The following PHOX2B variants were observed in gnomAD, a reference collection of about 807,000 sequenced individuals.
PHOX2B encodes the protein paired mesoderm homeobox protein 2B.
Under a neutral mutation model 15.5 loss-of-function variants are expected in PHOX2B, and 1 was observed. That is an observed-to-expected ratio of 0.06 (90% CI 0.02 to 0.31). PHOX2B has a LOEUF of 0.31. Among genes scored for constraint, PHOX2B ranks in the 10% least tolerant of loss-of-function variants. PHOX2B has a pLI of 1.00. For missense variants in PHOX2B, 314 were observed against 436.4 expected (o/e 0.72, Z 2.50); for synonymous variants, 206 against 190.5 (o/e 1.08, Z -0.67).
chr4:41,746,394 T>G, intron 2 of PHOX2B, 72 bp from the exon 3 acceptor site: 305 of 1,415,456 alleles, frequency 2.2e-4, no homozygotes, highest in Middle Eastern at 4.0e-4. Flanking sequence ...AAGCACCGGT[T>G]AGGGTGGCCC....
Position 41,744,697 on chromosome 4 carries a change from CGTGT to C in PHOX2B, c.*1106_*1109del, listed in dbSNP as rs1044678870. On this transcript the variant is annotated 3_prime_UTR_variant, in exon 3 of 3. Transcript: ENST00000226382. The stretch of plus-strand genomic sequence containing the variant: ...ATGCAAACCGAGACACCCCTGCAAA[CGTGT>C]GTGTGTGCCTTTTCCTTGCTCGGTA... 29 of 233,258 alleles carry C rather than the reference CGTGT, an allele frequency of 1.2e-4. No homozygotes were observed. In the Admixed American group the frequency reaches 1.4e-3, roughly 11 times the overall value. 14.4% of individuals were successfully genotyped at this position (233,258 alleles called of 1,614,324 possible).
At position 41,746,011 on chromosome 4, in the gene PHOX2B, GGCC is replaced by G; in HGVS notation, c.738_740del (p.Ala260del). 8.9e-7 allele frequency: 1 copy of G among 1,119,710 alleles called. No individual in the cohort carries two copies. The highest frequency in any genetic ancestry group is 1.1e-6 in the Non-Finnish European group (1 of 916,540). 69.4% of individuals were successfully genotyped at this position (1,119,710 alleles called of 1,614,324 possible). On this transcript the variant is annotated inframe_deletion, in exon 3 of 3. Coordinates refer to ENST00000226382, the MANE Select transcript of PHOX2B (RefSeq NM_003924.4). ...CCGCTGCCGCCGCCGCCGCTGCCGC[GGCC>G]GCCGCCGCTGCTGCTGCGCCGCCCT...
Position 41,746,102 on chromosome 4 carries a change from C to T in PHOX2B, c.650G>A (p.Gly217Glu). The T allele has an allele frequency of 6.5e-7, 1 of 1,539,434 alleles. No individual in the cohort carries two copies. Among genetic ancestry groups the T allele is most frequent in the East Asian group, 2.5e-5 (1 of 40,674 alleles). ...SCGANGGGGG[G>E]PSPAGAPGAA... ...CCCCGGAGCTCCAGCCGGGCTGGGC[C>T]CGCCGCCGCCGCCTCCATTCGCCCC... Residue 217 changes from glycine (G) to glutamate (E), a missense_variant, in exon 3 of 3, where the codon GGG (glycine) becomes GAG (glutamate). By Grantham distance (98) the Gly-to-Glu change is moderately conservative (BLOSUM62 -2). Around this residue, in one of 7 missense-constraint regions of PHOX2B, gnomAD observed 157 missense variants for 169.0 expected, o/e 0.93. Transcript: ENST00000226382.
At chr4:41,746,461 GC>G in intron 2 of PHOX2B, 139 bp from the exon 3 acceptor site, 1 of 800,302 alleles carries the variant, frequency 1.2e-6, no homozygotes, top group South Asian at 1.6e-5. Flanking sequence ...GATCACCCCC[GC>G]GCGCACATCC....
chr4:41,748,366 T>C lies in PHOX2B; in HGVS notation c.241+4A>G. On this transcript the variant is annotated splice_donor_region_variant and intron_variant, in intron 1 of 2. Transcript: ENST00000226382. ...CCTCCGCTGAGAAAGCTGAAGGTCC[T>C]TACCTGCGGCGTACGGACTGCTCTG... 1 of 1,614,064 alleles carries C rather than the reference T, an allele frequency of 6.2e-7. No individual in the cohort carries two copies.
chr4:41,745,654 C>G lies in PHOX2B; in HGVS notation c.*153G>C. On this transcript the variant is annotated 3_prime_UTR_variant, in exon 3 of 3. Coordinates refer to ENST00000226382, the MANE Select transcript of PHOX2B (RefSeq NM_003924.4). This position sits in a 1 kb window ranked among gnomAD's most constrained non-coding sequence, Gnocchi z 4.0. ...TGAAATGAGGGCGACGCCGTTTTCCCTTTATTCTTAGCGCGATTACTTTAG... is the reference window on the plus strand; with the variant it reads ...TGAAATGAGGGCGACGCCGTTTTCCGTTTATTCTTAGCGCGATTACTTTAG... The G allele has an allele frequency of 1.0e-6, 1 of 956,208 alleles. No individual in the cohort carries two copies. The allele number at this position is 956,208 out of a possible 1,614,324, so 59.2% of individuals were successfully genotyped here. A position where few individuals can be genotyped will look rare whatever the true frequency, so the allele number is the denominator to read the frequency against.
Position 41,745,588 on chromosome 4 carries a change from T to G in PHOX2B, c.*219A>C. On this transcript the variant is annotated 3_prime_UTR_variant, in exon 3 of 3. Coordinates refer to ENST00000226382, the MANE Select transcript of PHOX2B (RefSeq NM_003924.4). This position sits in a 1 kb window ranked among gnomAD's most constrained non-coding sequence, Gnocchi z 4.0. ...CAGGTGCGAAGCCAGGGAAGTTTGT[T>G]TGTTTTGTTTGGGGGTTGAGGAAGG... 9 of 515,912 alleles carry G rather than the reference T, an allele frequency of 1.7e-5. No individual in the cohort carries two copies. Among genetic ancestry groups the G allele is most frequent in the Non-Finnish European group, 3.0e-5 (9 of 302,882 alleles). 32.0% of individuals were successfully genotyped at this position (515,912 alleles called of 1,614,324 possible).
intron 1 of PHOX2B, 87 bp from the exon 2 acceptor site, chr4:41,747,623 A>G: frequency 1.8e-6 from 2 of 1,108,720 alleles, no homozygotes; most frequent in Admixed American, 1.7e-5. Flanking sequence ...CTCCAAGGTC[A>G]GGTCATACGG....
Position 41,745,902 on chromosome 4 carries a change from G to C in PHOX2B, c.850C>G (p.Pro284Ala), listed in dbSNP as rs2153112743. Reference protein sequence around the residue: ...APGPGPITSIPDSLGGPFASV... With the variant: ...APGPGPITSIADSLGGPFASV... ...GCGAAGGGACCCCCAAGCGAATCCG[G>C]GATGGAGGTGATGGGGCCGGGGCCG... The change falls in exon 3 of 3, where the codon CCG (proline) becomes GCG (alanine). Residue 284 changes from proline to alanine, a missense_variant. Pro to Ala is a conservative substitution (Grantham distance 27, BLOSUM62 -1). Transcript: ENST00000226382. The surrounding 1 kb of genome is among the most constrained non-coding windows in gnomAD (Gnocchi z 4.0). 3 of 1,606,838 alleles carry C rather than the reference G, an allele frequency of 1.9e-6. No individual in the cohort carries two copies. The highest frequency in any genetic ancestry group is 2.5e-6 in the Non-Finnish European group (3 of 1,176,884).
rs1733990919 is a variant in PHOX2B, at chr4:41,748,640, G to A, written c.-30C>T. 1.9e-6 allele frequency: 3 copies of A among 1,608,256 alleles called. No homozygotes were observed. Among genetic ancestry groups the A allele is most frequent in the Non-Finnish European group, 2.6e-6 (3 of 1,175,308 alleles). On this transcript the variant is annotated 5_prime_UTR_variant, in exon 1 of 3. Transcript: ENST00000226382. ...AAGGTTCTGGATGGCTCAGCCAAGTGGAAAAATGAAATAAAAGATGGATAT... is the reference window on the plus strand; with the variant it reads ...AAGGTTCTGGATGGCTCAGCCAAGTAGAAAAATGAAATAAAAGATGGATAT...
chr4:41,746,009 G>A lies in PHOX2B; in HGVS notation c.743C>T (p.Ala248Val), dbSNP rs1733881041. The A allele has an allele frequency of 2.4e-5, 27 of 1,131,282 alleles. No individual in the cohort carries two copies. The highest frequency in any genetic ancestry group is 2.9e-5 in the Non-Finnish European group (27 of 923,836). The allele number at this position is 1,131,282 out of a possible 1,614,324, so 70.1% of individuals were successfully genotyped here. ...KGGAAAAAAA[A>V]AAAAAAAAAA... is the part of the protein sequence containing the mutation. ...TGCCGCTGCCGCCGCCGCCGCTGCC[G>A]CGGCCGCCGCCGCTGCTGCTGCGCC... Residue 248 changes from alanine (A) to valine (V), a missense_variant, in exon 3 of 3, where the codon GCG becomes GTG. Physicochemically the swap from Ala to Val is moderately conservative, Grantham distance 64. This residue lies in a region of PHOX2B where 157 missense variants were observed against 169.0 expected (regional missense o/e 0.93). Coordinates refer to ENST00000226382, the MANE Select transcript of PHOX2B (RefSeq NM_003924.4).
At chr4:41,747,247 C>T in intron 2 of PHOX2B, 102 bp downstream of exon 2, 1 of 946,784 alleles carries the variant, frequency 1.1e-6, no homozygotes, top group Non-Finnish European at 1.7e-6. Flanking sequence ...CTAGGTCCTT[C>T]TCACTCGAGG....
At position 41,745,890 on chromosome 4, in the gene PHOX2B, C is replaced by T; in HGVS notation, c.862G>A (p.Gly288Arg). 1.9e-6 allele frequency: 3 copies of T among 1,608,396 alleles called. No homozygotes were observed. The highest frequency in any genetic ancestry group is 2.2e-5 in the South Asian group (2 of 90,536). ...GATAGGACGCTGGCGAAGGGACCCC[C>T]AAGCGAATCCGGGATGGAGGTGATG... ...GPITSIPDSL[G>R]GPFASVLSSL... Residue 288 changes from glycine (G) to arginine (R), a missense_variant, in exon 3 of 3, where the codon GGG (glycine) becomes AGG (arginine). Coordinates refer to ENST00000226382, the MANE Select transcript of PHOX2B (RefSeq NM_003924.4). The surrounding 1 kb of genome is among the most constrained non-coding windows in gnomAD (Gnocchi z 4.0).
At position 41,748,509 on chromosome 4, in the gene PHOX2B, A is replaced by C; in HGVS notation, c.102T>G (p.Ser34Arg). 1 of 1,614,202 alleles carries C rather than the reference A, an allele frequency of 6.2e-7. No homozygotes were observed. Among genetic ancestry groups the C allele is most frequent in the Non-Finnish European group, 8.5e-7 (1 of 1,180,006 alleles). Residue 34 changes from serine to arginine, a missense_variant, in exon 1 of 3, where the codon AGT (serine) becomes AGG (arginine). By Grantham distance (110) the Ser-to-Arg change is moderately radical. This residue lies in a region of PHOX2B where 102 missense variants were observed against 155.1 expected (regional missense o/e 0.66). Transcript: ENST00000226382. Reference protein sequence around the residue: ...SSLASAYADFSSCSQASGFQY... With the variant: ...SSLASAYADFRSCSQASGFQY... ...GGAAGCCACTGGCCTGGCTGCAGGA[A>C]CTGAAGTCAGCATAGGCTGAAGCCA... is the stretch of plus-strand genomic sequence containing the variant.
chr4:41,746,199 T>C lies in PHOX2B; in HGVS notation c.553A>G (p.Lys185Glu), dbSNP rs1733894210. 6.2e-7 allele frequency: 1 copy of C among 1,613,802 alleles called. No individual in the cohort carries two copies. The highest frequency in any genetic ancestry group is 8.5e-7 in the Non-Finnish European group (1 of 1,179,882). Reference protein sequence around the residue: ...KSDSSRDDESKEAKSTDPDST... With the variant: ...KSDSSRDDESEEAKSTDPDST... ...TCCGGGTCAGTGCTCTTGGCCTCTT[T>C]GCTCTCGTCGTCCCTGGAAGAGTCA... Residue 185 changes from lysine to glutamate, a missense_variant, in exon 3 of 3, where the codon AAA becomes GAA. Physicochemically the swap from Lys to Glu is moderately conservative, Grantham distance 56. Transcript: ENST00000226382.
intron 1 of PHOX2B, among the ~76,000 whole-genome samples, chr4:41,747,961 C>CA (rs1005227187): frequency 5.9e-5 from 9 of 151,602 alleles, no homozygotes; most frequent in South Asian, 2.1e-4. Flanking sequence ...GAAAGAGCTG[C>CA]AAAAAAATAA....
At chr4:41,747,580 C>T in intron 1 of PHOX2B, 44 bp from the exon 2 acceptor site, 1 of 1,541,176 alleles carries the variant, frequency 6.5e-7, no homozygotes, top group Non-Finnish European at 8.9e-7. Flanking sequence ...AATCAGCCGG[C>T]AGCTCGCCGG....
Position 41,745,689 on chromosome 4 carries a change from G to T in PHOX2B, c.*118C>A. On this transcript the variant is annotated 3_prime_UTR_variant, in exon 3 of 3. Transcript: ENST00000226382. The surrounding 1 kb of genome is among the most constrained non-coding windows in gnomAD (Gnocchi z 4.0). ...AGCGCGATTACTTTAGGCCCTCAAT[G>T]AAAAAGCCATGGCAGCAGCGACGAC... The T allele has an allele frequency of 1.5e-6, 2 of 1,344,598 alleles. No homozygotes were observed. Among genetic ancestry groups the T allele is most frequent in the Non-Finnish European group, 2.0e-6 (2 of 1,001,288 alleles). 83.3% of individuals were successfully genotyped at this position (1,344,598 alleles called of 1,614,324 possible).
chr4:41,747,346 T>A lies in PHOX2B; in HGVS notation c.429+3A>T. The A allele has an allele frequency of 6.2e-7, 1 of 1,604,298 alleles. No homozygotes were observed. The highest frequency in any genetic ancestry group is 8.5e-7 in the Non-Finnish European group (1 of 1,179,134). On this transcript the variant is annotated splice_donor_region_variant and intron_variant, in intron 2 of 2. Transcript: ENST00000226382. Reference sequence around the variant, plus strand: ...AGCGGGGTCGGTTTCCAGGCGCGCGTACCTGGACTCGCGCCTCTGTGAGGT... The same window carrying A: ...AGCGGGGTCGGTTTCCAGGCGCGCGAACCTGGACTCGCGCCTCTGTGAGGT...
Sources: allele counts gnomAD v4.1 joint callset (sites outside exome capture counted in the v4.1 genomes callset), GRCh38; gene constraint gnomAD v4.1.1; regional missense constraint gnomAD v4.1.1; non-coding constraint Gnocchi (gnomAD v3.1); transcripts MANE v1.5; gene names NCBI Gene and HGNC (gene_info 2026-07-23, HGNC 2026-07-21).